Variants in RPS5 observed in about 807,000 individuals in gnomAD.
RPS5 encodes the protein small ribosomal subunit protein uS7.
A neutral mutation model predicts 20.9 loss-of-function variants in RPS5; 2 were observed. The ratio of observed to expected loss-of-function variants is 0.10; its 90% confidence interval spans 0.04 to 0.30. The LOEUF is 0.30. RPS5 is among the 10% of genes least tolerant of loss of function. The pLI is 1.00. For synonymous variants in RPS5, 112 were observed against 105.8 expected, an observed-to-expected ratio of 1.06 and a Z score of -0.36; for missense variants, 122 against 287.2, an observed-to-expected ratio of 0.42 and a Z score of 4.16.
chr19:58,391,866 C>A (rs1055494004), intron 2 of RPS5, among the ~76,000 whole-genome samples: 1 of 152,054 alleles, frequency 6.6e-6, no homozygotes, highest in Non-Finnish European at 1.5e-5. Context: ...GCGGAGGTTT[C>A]AGTGAGCCAA....
At chr19:58,387,428 T>C (rs1223211462) in intron 1 of RPS5, 89 bp downstream of exon 1, 1 of 152,266 alleles carries the variant, frequency 6.6e-6, no homozygotes, top group African/African-American at 2.4e-5. Flanking sequence ...TCTCATTAGG[T>C]CTCATTTCTG....
Position 58,393,343 on chromosome 19 carries a change from T to A in RPS5, c.319-16T>A. On this transcript the variant is annotated splice_polypyrimidine_tract_variant and intron_variant, in intron 3 of 5. Coordinates refer to ENST00000196551, the MANE Select transcript of RPS5 (RefSeq NM_001009.4). ...CATGGGGCTGGATGTCAGGCTCATA[T>A]CCCCCTTCTCTCTAGAACCCTCTGC... 2 of 1,612,902 alleles carry A rather than the reference T, an allele frequency of 1.2e-6. No homozygotes were observed. Among genetic ancestry groups the A allele is most frequent in the Non-Finnish European group, 8.5e-7 (1 of 1,179,106 alleles).
At chr19:58,389,069 C>T (rs1294440661) in intron 2 of RPS5, among the ~76,000 whole-genome samples, 4 of 152,252 alleles carry the variant, frequency 2.6e-5, no homozygotes, top group African/African-American at 4.8e-5. Context: ...GTTCCTACTC[C>T]GTACGGTTTT....
At chr19:58,393,214 G>T (rs1363292797) in intron 3 of RPS5, 29 bp downstream of exon 3, 2 of 1,611,404 alleles carry the variant, frequency 1.2e-6, no homozygotes, top group Non-Finnish European at 1.7e-6. Flanking sequence ...GTGAGGGCAG[G>T]CTGTGCCCTC....
chr19:58,390,351 C>A (rs1213930905), intron 2 of RPS5, among the ~76,000 whole-genome samples: 2 of 151,130 alleles, frequency 1.3e-5, no homozygotes, highest in African/African-American at 4.9e-5. Flanking sequence ...TGAGCCACTG[C>A]GCCCAGCCCA....
chr19:58,394,246 C>G (rs1003689654), intron 4 of RPS5: 2 of 516,544 alleles, frequency 3.9e-6, no homozygotes, highest in Non-Finnish European at 7.0e-6. Flanking sequence ...GCCCGGCCGT[C>G]TAGCAGTTTG....
Position 58,388,137 on chromosome 19 carries a change from G to T in RPS5, c.-1G>T. 6.2e-7 allele frequency: 1 copy of T among 1,610,172 alleles called. No homozygotes were observed. Among genetic ancestry groups the T allele is most frequent in the South Asian group, 1.1e-5 (1 of 90,654 alleles). On this transcript the variant is annotated splice_region_variant and 5_prime_UTR_variant, in exon 2 of 6. Coordinates refer to ENST00000196551, the MANE Select transcript of RPS5 (RefSeq NM_001009.4). ...TTTTCCTGTCATCACCCTGTCCCAG[G>T]ATGACCGAGTGGGAGACAGCAGCAC...
chr19:58,390,896 CA>C (rs2052358914), intron 2 of RPS5, among the ~76,000 whole-genome samples: 1 of 151,998 alleles, frequency 6.6e-6, no homozygotes. Context: ...CTGAGAGTTT[CA>C]GTGTCCTGTG....
At chr19:58,388,107 C>T (rs2052338668) in intron 1 of RPS5, 30 bp from the exon 2 acceptor site, 2 of 1,520,024 alleles carry the variant, frequency 1.3e-6, no homozygotes, top group East Asian at 2.3e-5. Context: ...TGAGCTCTGA[C>T]GTTTTTTTCC....
At chr19:58,388,031 C>G in intron 1 of RPS5, 106 bp from the exon 2 acceptor site, 1 of 718,302 alleles carries the variant, frequency 1.4e-6, no homozygotes, top group Non-Finnish European at 2.4e-6. Context: ...TGCGACCCCC[C>G]AGTTCATCAC....
At chr19:58,392,903 C>T (rs1042488571) in intron 2 of RPS5, 73 bp from the exon 3 acceptor site, 78 of 1,424,764 alleles carry the variant, frequency 5.5e-5, no homozygotes, top group Non-Finnish European at 7.4e-5. Context: ...CTTGATCTCT[C>T]CTCTGGTGTC....
rs1437290399 is a variant in RPS5, at chr19:58,394,568, G to A, written c.519G>A (p.Leu173=). 1.9e-6 allele frequency: 3 copies of A among 1,614,138 alleles called. No homozygotes were observed. The highest frequency in any genetic ancestry group is 8.5e-7 in the Non-Finnish European group (1 of 1,180,032). Residue 173 remains leucine, a synonymous_variant, in exon 5 of 6, where the codon CTG becomes CTA. Coordinates refer to ENST00000196551, the MANE Select transcript of RPS5 (RefSeq NM_001009.4). ...ACATTAAGACCATTGCTGAGTGCCT[G>A]GCAGATGAGCTCATCAATGCTGCCA... The part of the protein sequence containing the change: ...FRNIKTIAEC[L]ADELINAAKG...
chr19:58,387,834 C>T lies in RPS5; in HGVS notation c.-1-303C>T, dbSNP rs1166111380. 3 of 395,560 alleles carry T rather than the reference C, an allele frequency of 7.6e-6. No homozygotes were observed. In the East Asian group the frequency reaches 1.6e-4, roughly 21 times the overall value. The allele number at this position is 395,560 out of a possible 1,614,324, so 24.5% of individuals were successfully genotyped here. ...CGCGAGATTGTGGTTTGAATTACAGCCCATGCAGTGTGAGGACGTATGGCA... is the reference window on the plus strand; with the variant it reads ...CGCGAGATTGTGGTTTGAATTACAGTCCATGCAGTGTGAGGACGTATGGCA... On this transcript the variant is annotated intron_variant, in intron 1 of 5. Coordinates refer to ENST00000196551, the MANE Select transcript of RPS5 (RefSeq NM_001009.4).
At chr19:58,393,706 G>A in intron 4 of RPS5, 2 of 575,490 alleles carry the variant, frequency 3.5e-6, no homozygotes, top group Non-Finnish European at 6.0e-6. Context: ...CTTTCCTTTG[G>A]GTGTATATTT....
Position 58,393,735 on chromosome 19 carries a change from T to C in RPS5, c.447+248T>C, listed in dbSNP as rs577944678. 32 of 467,958 alleles carry C rather than the reference T, an allele frequency of 6.8e-5. 1 individual carries two copies. In the South Asian group the frequency reaches 1.2e-3, roughly 17 times the overall value. The allele number at this position is 467,958 out of a possible 1,614,324, so 29.0% of individuals were successfully genotyped here. On this transcript the variant is annotated intron_variant, in intron 4 of 5. Transcript: ENST00000196551. The stretch of plus-strand genomic sequence containing the variant: ...TATATTTTTACACTGTGTGTATATG[T>C]ACTTTTTTTTTTTTTCTTGGACATT...
chr19:58,392,896 G>C (rs1599934701), intron 2 of RPS5, 80 bp from the exon 3 acceptor site: 1 of 1,356,580 alleles, frequency 7.4e-7, no homozygotes, highest in East Asian at 2.4e-5. Context: ...ATGGGTACTT[G>C]ATCTCTCCTC....
At chr19:58,387,817 T>C (rs965002687) in intron 1 of RPS5, 6 of 330,230 alleles carry the variant, frequency 1.8e-5, no homozygotes, top group Admixed American at 9.1e-5. Flanking sequence ...ATCGCGAGAT[T>C]GTGGTTTGAA....
At chr19:58,390,083 C>T (rs931246848) in intron 2 of RPS5, among the ~76,000 whole-genome samples, 6 of 152,010 alleles carry the variant, frequency 3.9e-5, no homozygotes, top group African/African-American at 1.4e-4. Flanking sequence ...TTAGTTGAGA[C>T]AGGGTTTCAT....
At chr19:58,389,925 G>A (rs1157902741) in intron 2 of RPS5, among the ~76,000 whole-genome samples, 1 of 151,948 alleles carries the variant, frequency 6.6e-6, no homozygotes, top group Non-Finnish European at 1.5e-5. Context: ...ACAGAGTTTC[G>A]TTCTTGTCGC....
Sources: gnomAD v4.1 joint callset for allele counts (sites outside exome capture counted in the v4.1 genomes callset) on GRCh38, gnomAD v4.1.1 for gene constraint, MANE v1.5 for transcripts, NCBI Gene and HGNC (gene_info 2026-07-23, HGNC 2026-07-21) for gene names.